The following MGAM variants were observed in gnomAD, a reference collection of about 807,000 sequenced individuals.
MGAM encodes maltase-glucoamylase, also known as alpha-1,4-glucosidase.
Under a neutral mutation model 358.8 loss-of-function variants are expected in MGAM, and 253 were observed. That is an observed-to-expected ratio of 0.71 (90% CI 0.64 to 0.78). The LOEUF (loss-of-function observed/expected upper bound fraction) is 0.78, where lower values mean the gene tolerates loss of function less well. Among genes scored for constraint, MGAM ranks in the 30% least tolerant of loss-of-function variants. The pLI, the probability that MGAM is intolerant of heterozygous loss-of-function variation, is 0.00. For synonymous variants in MGAM, 1,105 were observed against 1,227.1 expected, an observed-to-expected ratio of 0.90 and a Z score of 2.08; for missense variants, 3,080 against 3,432.6, an observed-to-expected ratio of 0.90 and a Z score of 2.57.
intron 21 of MGAM, among the ~76,000 whole-genome samples, chr7:142,042,050 A>C (rs372368456): frequency 1.7e-5 from 1 of 60,250 alleles, no homozygotes; most frequent in African/African-American, 8.3e-5. Context: ...TATAATATAT[A>C]ATATATATAC....
chr7:142,088,743 G>A lies in MGAM; in HGVS notation c.6810+2026G>A, dbSNP rs530610754. Among the ~76,000 whole-genome samples, 153 of 96,810 alleles carry A rather than the reference G, an allele frequency of 1.6e-3. 2 individuals carry two copies. The highest frequency in any genetic ancestry group is 5.6e-3 in the African/African-American group (123 of 21,772). 63.5% of individuals were successfully genotyped at this position (96,810 alleles called of 152,430 possible). ...TTTATGTCTGTCTGTCTGTCTGTCT[G>A]TCTGTCTATCTATCTATCTATCTAT... On this transcript the variant is annotated intron_variant, in intron 57 of 70. Coordinates refer to ENST00000475668, the MANE Select transcript of MGAM (RefSeq NM_001365693.1).
intron 1 of MGAM, among the ~76,000 whole-genome samples, chr7:142,001,784 G>C (rs1804759323): frequency 6.6e-6 from 1 of 152,168 alleles, no homozygotes; most frequent in Admixed American, 6.5e-5. Context: ...GACACACTCA[G>C]GGAAAGTGGG....
At chr7:142,060,122 G>A (rs1328235606) in intron 33 of MGAM, among the ~76,000 whole-genome samples, 156 bp downstream of exon 33, 2 of 152,220 alleles carry the variant, frequency 1.3e-5, no homozygotes, top group Admixed American at 1.3e-4. Flanking sequence ...ATCAATATTT[G>A]TTGATACAAT....
rs1299862161 is a variant in MGAM at position 142,083,201 on chromosome 7, A to T, written c.6269-100A>T. On this transcript the variant is annotated intron_variant, in intron 52 of 70. Transcript: ENST00000475668. ...AGAAAATACTGGCTCTTACTACTCT[A>T]CGATAGGGAGGGTGCAGGAAATAGA... The T allele has an allele frequency of 3.9e-5, 37 of 937,396 alleles. 1 individual carries two copies. Among genetic ancestry groups the T allele is most frequent in the African/African-American group, 3.9e-4 (25 of 63,850 alleles). The allele number at this position is 937,396 out of a possible 1,614,324, so 58.1% of individuals were successfully genotyped here. A position where few individuals can be genotyped will look rare whatever the true frequency, so the allele number is the denominator to read the frequency against.
At chr7:142,025,336 G>A (rs1806860248) in intron 8 of MGAM, among the ~76,000 whole-genome samples, 187 bp downstream of exon 8, 1 of 152,052 alleles carries the variant, frequency 6.6e-6, no homozygotes, top group African/African-American at 2.4e-5. Flanking sequence ...CATGAGTAGG[G>A]GATTTTCTCC....
chr7:141,995,862 T>C (rs1248228230), upstream of MGAM: 2 of 152,224 alleles, frequency 1.3e-5, no homozygotes, highest in African/African-American at 4.8e-5. Flanking sequence ...TTTGGTGGAC[T>C]GTGCTCCTCT....
rs201545510 is a variant in MGAM at position 142,081,416 on chromosome 7, GAGA to G, written c.6002+474_6002+476del. 5.5e-3 allele frequency among the ~76,000 whole-genome samples: 807 copies of G among 145,608 alleles called. 29 individuals carry two copies. Among genetic ancestry groups the G allele is most frequent in the African/African-American group, 0.018 (759 of 41,090 alleles). On this transcript the variant is annotated intron_variant, in intron 50 of 70. Coordinates refer to ENST00000475668, the MANE Select transcript of MGAM (RefSeq NM_001365693.1). ...GGTGATATTTTAATAGGACCTGGAT[GAGA>G]AGGAGCCACCCACATGAGACAGGGC... is the stretch of plus-strand genomic sequence containing the variant.
chr7:142,066,979 G>A (rs1421410225), intron 41 of MGAM, among the ~76,000 whole-genome samples: 1 of 146,340 alleles, frequency 6.8e-6, no homozygotes, highest in East Asian at 2.0e-4. Flanking sequence ...TAATTTGGTT[G>A]TGCAAAGGCC....
chr7:142,034,488 A>G, intron 15 of MGAM, 109 bp downstream of exon 15: 1 of 1,002,140 alleles, frequency 1.0e-6, no homozygotes. Context: ...TTAAGACAAA[A>G]CAAAGCAAAA....
Position 142,068,664 on chromosome 7 carries a change from T to A in MGAM, c.5022T>A (p.Thr1674=), listed in dbSNP as rs1390002949. 1.9e-6 allele frequency: 3 copies of A among 1,540,114 alleles called. 1 individual carries two copies. The highest frequency in any genetic ancestry group is 1.8e-6 in the Non-Finnish European group (2 of 1,119,830). The change falls in exon 43 of 71, where the codon ACT becomes ACA. Residue 1674 remains threonine (T), a synonymous_variant. Transcript: ENST00000475668. ...PVLERNARNV[T]AYFPRARWYD... is the part of the protein sequence containing the mutation. ...CATTTTAGAATGCCAGAAATGTCACTGCATATTTCCCTAGAGCCCGTTGGT... is the reference window on the plus strand; with the variant it reads ...CATTTTAGAATGCCAGAAATGTCACAGCATATTTCCCTAGAGCCCGTTGGT...
At chr7:142,050,898 G>C (rs1359653034) in intron 24 of MGAM, 34 bp downstream of exon 24, 1 of 1,612,798 alleles carries the variant, frequency 6.2e-7, no homozygotes, top group African/African-American at 1.3e-5. Flanking sequence ...GGTACATTGA[G>C]AATTCTCCAT....
chr7:142,052,202 T>G, intron 24 of MGAM, 92 bp from the exon 25 acceptor site: 5 of 1,112,730 alleles, frequency 4.5e-6, no homozygotes, highest in Non-Finnish European at 6.2e-6. Context: ...CTGGTCTAAT[T>G]TCTATTTTTT....
rs369315124 is a variant in MGAM, at chr7:142,054,859, A to G, written c.3265A>G (p.Lys1089Glu). The change falls in exon 27 of 71, where the codon AAG (lysine) becomes GAG (glutamate). Residue 1089 changes from lysine (K) to glutamate (E), a missense_variant. Lys to Glu is a moderately conservative substitution (Grantham distance 56). This residue lies in a region of MGAM where 1,816 missense variants were observed against 1,840.5 expected (regional missense o/e 0.99). Coordinates refer to ENST00000475668, the MANE Select transcript of MGAM (RefSeq NM_001365693.1). ...EGQLYDVLIKKNPFGIEIRRK... is the reference protein window; with the variant it reads ...EGQLYDVLIKENPFGIEIRRK... ...TCAACTCTATGATGTGCTCATTAAG[A>G]AGAATCCATTTGGGATTGAAATTCG... 14 of 1,613,950 alleles carry G rather than the reference A, an allele frequency of 8.7e-6. No individual in the cohort carries two copies. In the African/African-American group the frequency reaches 1.9e-4, roughly 22 times the overall value.
rs571544526 is a variant in MGAM, at chr7:142,104,787, C to A, written c.8185-1027C>A. 1.2e-3 allele frequency among the ~76,000 whole-genome samples: 185 copies of A among 152,272 alleles called. 1 individual carries two copies. Among genetic ancestry groups the A allele is most frequent in the African/African-American group, 4.3e-3 (177 of 41,556 alleles). On this transcript the variant is annotated intron_variant, in intron 70 of 70. Transcript: ENST00000475668. Reference sequence around the variant, plus strand: ...GATGAATGTTAAATATGTGAAAAATCTGTACCTTGGGATTAATGCTGTGTA... The same window carrying A: ...GATGAATGTTAAATATGTGAAAAATATGTACCTTGGGATTAATGCTGTGTA...
chr7:142,092,807 A>T (rs112481897), intron 59 of MGAM, among the ~76,000 whole-genome samples, 199 bp downstream of exon 59: 5 of 146,654 alleles, frequency 3.4e-5, no homozygotes, highest in African/African-American at 9.7e-5. Context: ...CATTGCACAA[A>T]TTTTTTGAAT....
upstream of MGAM, among the ~76,000 whole-genome samples, chr7:141,991,863 C>T (rs1297782427): frequency 1.3e-5 from 2 of 152,194 alleles, no homozygotes; most frequent in Non-Finnish European, 2.9e-5. Context: ...GCAAGCCACT[C>T]CAGGCACCAC....
intron 26 of MGAM, among the ~76,000 whole-genome samples, chr7:142,054,488 A>C (rs1338006022): frequency 6.6e-6 from 1 of 152,168 alleles, no homozygotes; most frequent in African/African-American, 2.4e-5. Flanking sequence ...ATATTCATAA[A>C]TACCACACTG....
intron 3 of MGAM, 132 bp downstream of exon 3, chr7:142,008,837 C>A: frequency 1.1e-6 from 1 of 940,848 alleles, no homozygotes; most frequent in Non-Finnish European, 1.6e-6. Context: ...CCATTAGTGG[C>A]TCAGGCAAAT....
chr7:142,096,929 CTTTTTT>C (rs5888029), intron 65 of MGAM, among the ~76,000 whole-genome samples: 4 of 134,278 alleles, frequency 3.0e-5, no homozygotes, highest in Non-Finnish European at 6.3e-5. Context: ...TTCCCAAAAT[CTTTTTT>C]TTTTTTTTTT....
Sources: gnomAD v4.1 joint callset for allele counts (sites outside exome capture counted in the v4.1 genomes callset) on GRCh38, gnomAD v4.1.1 for gene constraint, gnomAD v4.1.1 regional missense constraint, MANE v1.5 for transcripts, NCBI Gene and HGNC (gene_info 2026-07-23, HGNC 2026-07-21) for gene names.